The following SCARB2 variants were observed in gnomAD, a reference collection of about 807,000 sequenced individuals.
SCARB2 encodes the protein scavenger receptor class B member 2, also known as lysosome membrane protein 2.
SCARB2 carries 29 observed loss-of-function variants against 58.6 expected under a neutral mutation model. The ratio of observed to expected loss-of-function variants is 0.49; its 90% CI spans 0.37 to 0.67. SCARB2 has a LOEUF of 0.67. Ranked by LOEUF, SCARB2 falls within the 30% of genes least tolerant of loss-of-function variation. SCARB2 has a pLI of 0.00. For missense variants in SCARB2, 488 were observed against 578.5 expected (o/e 0.84, Z 1.60); for synonymous variants, 195 against 210.1 (o/e 0.93, Z 0.62).
chr4:76,229,362 G>T (rs914222906), intron 1 of SCARB2, among the ~76,000 whole-genome samples: 5 of 152,060 alleles, frequency 3.3e-5, no homozygotes, highest in African/African-American at 1.2e-4. Flanking sequence ...TGTTTTTCTT[G>T]GTTTGAATCC....
At chr4:76,196,503 T>G (rs1436784512) in intron 1 of SCARB2, among the ~76,000 whole-genome samples, 1 of 152,194 alleles carries the variant, frequency 6.6e-6, no homozygotes, top group Non-Finnish European at 1.5e-5. Flanking sequence ...TTTTGAAGAT[T>G]CCATGGATGG....
At chr4:76,170,018 C>T in intron 7 of SCARB2, 33 bp from the exon 8 acceptor site, 3 of 1,558,190 alleles carry the variant, frequency 1.9e-6, no homozygotes, top group Non-Finnish European at 2.6e-6. Context: ...ATGAATGATG[C>T]TGTTTTTAAA....
intron 4 of SCARB2, 142 bp from the exon 5 acceptor site, chr4:76,176,670 C>T: frequency 1.6e-6 from 1 of 635,960 alleles, no homozygotes. Flanking sequence ...TTAATATCTA[C>T]AATCCGTTAA....
chr4:76,174,959 TAC>T (rs1165536617), intron 6 of SCARB2: 2 of 154,270 alleles, frequency 1.3e-5, no homozygotes, highest in East Asian at 3.8e-4. Context: ...CACTTTGATG[TAC>T]ACAGTCACCA....
At chr4:76,162,601 T>C (rs6532229) in intron 11 of SCARB2, 35,145 of 156,462 alleles carry the variant, frequency 0.22, 4,957 homozygotes, top group African/African-American at 0.4. Context: ...ACCTAAATCA[T>C]AGGTATCTTC....
At chr4:76,179,396 A>T in intron 4 of SCARB2, 121 bp downstream of exon 4, 1 of 756,192 alleles carries the variant, frequency 1.3e-6, no homozygotes, top group Non-Finnish European at 2.3e-6. Context: ...TTTTTCACAC[A>T]CTCTATAAGA....
chr4:76,230,866 G>A (rs757269864), intron 1 of SCARB2, among the ~76,000 whole-genome samples: 2 of 152,126 alleles, frequency 1.3e-5, no homozygotes, highest in Admixed American at 6.5e-5. Context: ...GGACACTAAC[G>A]TGGCCTTTAT....
intron 1 of SCARB2, among the ~76,000 whole-genome samples, chr4:76,224,379 A>T (rs1733360039): frequency 6.6e-6 from 1 of 152,180 alleles, no homozygotes. Flanking sequence ...CTGCCCTCCC[A>T]CAGAAATGGA....
In SCARB2 at chr4:76,170,001, A is replaced by C; in HGVS notation, c.995-16T>G. On this transcript the variant is annotated splice_polypyrimidine_tract_variant and intron_variant, in intron 7 of 11. Coordinates refer to ENST00000264896, the MANE Select transcript of SCARB2 (RefSeq NM_005506.4). ...ATGGGTGCACCTGCATTTGAAGGAAAACAGAAATGAATGATGCTGTTTTTA... is the reference window on the plus strand; with the variant it reads ...ATGGGTGCACCTGCATTTGAAGGAACACAGAAATGAATGATGCTGTTTTTA... 1.9e-6 allele frequency: 3 copies of C among 1,585,534 alleles called. No homozygotes were observed. Among genetic ancestry groups the C allele is most frequent in the Non-Finnish European group, 2.6e-6 (3 of 1,155,322 alleles).
intron 1 of SCARB2, among the ~76,000 whole-genome samples, chr4:76,197,109 A>G (rs1022188293): frequency 2.6e-5 from 4 of 152,176 alleles, no homozygotes; most frequent in Admixed American, 6.5e-5. Flanking sequence ...CTCTGCCAAT[A>G]CCTTGATCTC....
intron 1 of SCARB2, among the ~76,000 whole-genome samples, chr4:76,230,898 C>T (rs1475300413): frequency 2.0e-5 from 3 of 152,156 alleles, no homozygotes; most frequent in African/African-American, 4.8e-5. Context: ...GAAGCTTGGG[C>T]ATGGCTTAAT....
chr4:76,162,966 G>A lies in SCARB2; in HGVS notation c.1398+259C>T. Reference sequence around the variant, plus strand: ...AGGTTATTGTTTTCAAAGACATAAAGTTAACTCCCAGGGGATACATCCAAA... The same window carrying A: ...AGGTTATTGTTTTCAAAGACATAAAATTAACTCCCAGGGGATACATCCAAA... On this transcript the variant is annotated intron_variant, in intron 11 of 11. Transcript: ENST00000264896. The A allele has an allele frequency of 5.0e-6, 3 of 602,048 alleles. No homozygotes were observed. In the Admixed American group the frequency reaches 8.8e-5, roughly 18 times the overall value. 37.3% of individuals were successfully genotyped at this position (602,048 alleles called of 1,614,324 possible).
intron 11 of SCARB2, 129 bp from the exon 12 acceptor site, chr4:76,161,880 C>G: frequency 1.2e-6 from 1 of 816,050 alleles, no homozygotes; most frequent in Non-Finnish European, 2.1e-6. Flanking sequence ...TCATCTCACT[C>G]ACCTCCCCTC....
Position 76,181,079 on chromosome 4 carries a change from T to A in SCARB2, c.298A>T (p.Ile100Phe). 1 of 1,613,808 alleles carries A rather than the reference T, an allele frequency of 6.2e-7. No individual in the cohort carries two copies. The highest frequency in any genetic ancestry group is 8.5e-7 in the Non-Finnish European group (1 of 1,179,888). The stretch of plus-strand genomic sequence containing the variant: ...GTTGTTCCATTATCTCCAAATTGAA[T>A]ATTTGCTTTGTTTCTGAGTTCCCTA... ...TYRELRNKAN[I>F]QFGDNGTTIS... Residue 100 changes from isoleucine to phenylalanine, a missense_variant, in exon 3 of 12, where the codon ATT becomes TTT. Physicochemically the swap from Ile to Phe is conservative, Grantham distance 21. Transcript: ENST00000264896.
At chr4:76,198,137 G>C (rs1243039856) in intron 1 of SCARB2, among the ~76,000 whole-genome samples, 1 of 152,228 alleles carries the variant, frequency 6.6e-6, no homozygotes, top group East Asian at 1.9e-4. Context: ...TGTCAGGACA[G>C]TTGAGTGAGC....
In SCARB2 at chr4:76,163,402, A is replaced by C; in HGVS notation, c.1240-19T>G. The C allele has an allele frequency of 1.2e-6, 2 of 1,613,876 alleles. No individual in the cohort carries two copies. Among genetic ancestry groups the C allele is most frequent in the Non-Finnish European group, 1.7e-6 (2 of 1,179,794 alleles). Reference sequence around the variant, plus strand: ...GAACACTCTGGAGAGGCAAGAAAATAGTATTCTTGATGACTAAACATCCAG... The same window carrying C: ...GAACACTCTGGAGAGGCAAGAAAATCGTATTCTTGATGACTAAACATCCAG... On this transcript the variant is annotated intron_variant, in intron 10 of 11. Transcript: ENST00000264896.
chr4:76,164,900 A>G (rs1201809652), intron 10 of SCARB2: 1 of 152,182 alleles, frequency 6.6e-6, no homozygotes, highest in Non-Finnish European at 1.5e-5. Context: ...CTCCTCGGTA[A>G]AAAGGTGGTG....
upstream of SCARB2, among the ~76,000 whole-genome samples, chr4:76,218,752 C>T (rs58714331): frequency 0.045 from 6,841 of 152,124 alleles, 503 homozygotes; most frequent in African/African-American, 0.15. Flanking sequence ...AAAACACAAG[C>T]GTAGTGTTGT....
chr4:76,183,404 C>T (rs1217505361), intron 2 of SCARB2, among the ~76,000 whole-genome samples: 1 of 152,180 alleles, frequency 6.6e-6, no homozygotes. Flanking sequence ...TTGGGGTTCC[C>T]ATCCCCCTGT....
Sources: allele counts gnomAD v4.1 joint callset (sites outside exome capture counted in the v4.1 genomes callset), GRCh38; gene constraint gnomAD v4.1.1; transcripts MANE v1.5; gene names NCBI Gene and HGNC (gene_info 2026-07-23, HGNC 2026-07-21).